Variants in CELF2 observed in about 807,000 individuals in gnomAD.
The protein encoded by CELF2 is CUGBP Elav-like family member 2.
A neutral mutation model predicts 62.6 loss-of-function variants in CELF2; 8 were observed. The observed-to-expected ratio is 0.13, with a 90% confidence interval of 0.07 to 0.23. CELF2 has a LOEUF of 0.23. Among genes scored for constraint, CELF2 ranks in the 10% least tolerant of loss-of-function variants. The pLI is 1.00. For missense variants in CELF2, 333 were observed against 671.0 expected, an observed-to-expected ratio of 0.50 and a Z score of 5.56; for synonymous variants, 258 against 250.0, an observed-to-expected ratio of 1.03 and a Z score of -0.30.
chr10:11,165,827 G>A lies in CELF2; in HGVS notation c.271+145G>A, dbSNP rs955228021. On this transcript the variant is annotated intron_variant, in intron 2 of 12. Transcript: ENST00000633077. This position sits in a 1 kb window ranked among gnomAD's most constrained non-coding sequence, Gnocchi z 7.4. Reference sequence around the variant, plus strand: ...GGTGCTGGCGGCCCCTGTGCTCCAGGGGCTGCTCCCGACTCCTCCCCGCAC... The same window carrying A: ...GGTGCTGGCGGCCCCTGTGCTCCAGAGGCTGCTCCCGACTCCTCCCCGCAC... 4 of 766,840 alleles carry A rather than the reference G, an allele frequency of 5.2e-6. No individual in the cohort carries two copies. 47.5% of individuals were successfully genotyped at this position (766,840 alleles called of 1,614,324 possible). A position where few individuals can be genotyped will look rare whatever the true frequency, so the allele number is the denominator to read the frequency against.
intron 1 of CELF2, among the ~76,000 whole-genome samples, chr10:11,144,433 G>A (rs1564925216): frequency 6.6e-6 from 1 of 152,160 alleles, no homozygotes; most frequent in African/African-American, 2.4e-5. Context: ...CTACGCAACA[G>A]ACTGTATGTA....
the CELF2 span, among the ~76,000 whole-genome samples, chr10:10,564,140 A>G: frequency 6.6e-6 from 1 of 152,178 alleles, no homozygotes; most frequent in African/African-American, 2.4e-5. Flanking sequence ...GTAAAGTGTA[A>G]ACCACTTCCA....
chr10:10,527,417 A>G, the CELF2 span, among the ~76,000 whole-genome samples: 2 of 147,572 alleles, frequency 1.4e-5, no homozygotes, highest in Non-Finnish European at 3.0e-5. Flanking sequence ...ACTGCTTTCC[A>G]GCCTAGACGA....
intron 2 of CELF2, among the ~76,000 whole-genome samples, chr10:10,950,068 C>T (rs2048151747): frequency 6.6e-6 from 1 of 152,192 alleles, no homozygotes; most frequent in Non-Finnish European, 1.5e-5. Flanking sequence ...TCACACCTCT[C>T]TCCCCTGATT....
intron 1 of CELF2, among the ~76,000 whole-genome samples, chr10:10,910,802 T>C (rs749461048): frequency 1.5e-4 from 23 of 152,316 alleles, no homozygotes; most frequent in Non-Finnish European, 2.1e-4. Context: ...ACTTTTGCTT[T>C]TCAGTTCTGG....
intron 8 of CELF2, among the ~76,000 whole-genome samples, chr10:11,279,487 C>G (rs1306597937): frequency 6.6e-6 from 1 of 152,106 alleles, no homozygotes; most frequent in African/African-American, 2.4e-5. Flanking sequence ...CTTGGTACAT[C>G]CACAAAGACT....
At chr10:11,032,146 CAAAAA>C (rs56364371) in intron 1 of CELF2, among the ~76,000 whole-genome samples, 1,242 of 86,426 alleles carry the variant, frequency 0.014, 24 homozygotes, top group African/African-American at 0.034. Flanking sequence ...AGGGCTTAGC[CAAAAA>C]AAAAAAAAAA....
chr10:11,127,368 C>T (rs1796228068), intron 1 of CELF2, among the ~76,000 whole-genome samples: 1 of 152,142 alleles, frequency 6.6e-6, no homozygotes, highest in Non-Finnish European at 1.5e-5. Context: ...GTGCATGTGT[C>T]TTCATACTAG....
chr10:11,032,146 CAAAAAA>C (rs56364371), intron 1 of CELF2, among the ~76,000 whole-genome samples: 2,730 of 86,416 alleles, frequency 0.032, 110 homozygotes, highest in African/African-American at 0.062. Flanking sequence ...AGGGCTTAGC[CAAAAAA>C]AAAAAAAAAA....
At chr10:11,303,784 G>A (rs1428654328) in intron 9 of CELF2, among the ~76,000 whole-genome samples, 1 of 152,208 alleles carries the variant, frequency 6.6e-6, no homozygotes, top group Admixed American at 6.5e-5. Flanking sequence ...AGGGGAAATA[G>A]AATCTTGACT....
At position 11,255,186 on chromosome 10, in the gene CELF2, A is replaced by C. The variant is rs1399727711; in HGVS notation, c.404-2552A>C. On this transcript the variant is annotated intron_variant, in intron 4 of 12. Coordinates refer to ENST00000633077, the MANE Select transcript of CELF2 (RefSeq NM_001326342.2). This position sits in a 1 kb window ranked among gnomAD's most constrained non-coding sequence, Gnocchi z 5.5. ...TTTGCCTTCTCTGAAGGGAGGAAAA[A>C]GAACTTGAATTAGAAGTTTTCCGTC... 6.6e-6 allele frequency among the ~76,000 whole-genome samples: 1 copy of C among 152,218 alleles called. No homozygotes were observed. The highest frequency in any genetic ancestry group is 1.5e-5 in the Non-Finnish European group (1 of 68,036).
chr10:11,128,429 T>C (rs1185765513), intron 1 of CELF2, among the ~76,000 whole-genome samples: 3 of 152,218 alleles, frequency 2.0e-5, no homozygotes, highest in Non-Finnish European at 4.4e-5. Flanking sequence ...CATTGGTAGC[T>C]TGATGGGGAT....
chr10:10,564,085 C>G, the CELF2 span, among the ~76,000 whole-genome samples: 1 of 152,212 alleles, frequency 6.6e-6, no homozygotes, highest in African/African-American at 2.4e-5. Flanking sequence ...ATAACTTCCT[C>G]TCTCCCATCC....
the CELF2 span, among the ~76,000 whole-genome samples, chr10:10,637,716 C>A: frequency 6.6e-6 from 1 of 152,144 alleles, no homozygotes; most frequent in Non-Finnish European, 1.5e-5. Context: ...CAATGTGACA[C>A]GGAGTCGCAG....
intron 8 of CELF2, among the ~76,000 whole-genome samples, chr10:11,276,412 G>T (rs2086151354): frequency 6.6e-6 from 1 of 152,202 alleles, no homozygotes; most frequent in African/African-American, 2.4e-5. Flanking sequence ...TCATTCAGCA[G>T]CATCTTTACG....
chr10:10,735,576 G>A, the CELF2 span, among the ~76,000 whole-genome samples: 3 of 152,218 alleles, frequency 2.0e-5, no homozygotes, highest in African/African-American at 7.2e-5. Flanking sequence ...GAAAACTAGA[G>A]TTGAAGACAG....
At chr10:10,819,059 T>C (rs2056741517) in intron 1 of CELF2, among the ~76,000 whole-genome samples, 2 of 152,184 alleles carry the variant, frequency 1.3e-5, no homozygotes, top group African/African-American at 2.4e-5. Flanking sequence ...CTGATAGTGA[T>C]TGCATTTACC....
chr10:10,805,193 C>G (rs917402813), intron 1 of CELF2, among the ~76,000 whole-genome samples: 1 of 152,130 alleles, frequency 6.6e-6, no homozygotes, highest in African/African-American at 2.4e-5. Flanking sequence ...TTGTAAAGTT[C>G]CGGTCACTCA....
rs2094958154 is a variant in CELF2, at chr10:11,316,128, C to T, written c.1096+1870C>T. 6.6e-6 allele frequency among the ~76,000 whole-genome samples: 1 copy of T among 152,226 alleles called. No individual in the cohort carries two copies. The highest frequency in any genetic ancestry group is 2.4e-5 in the African/African-American group (1 of 41,456). On this transcript the variant is annotated intron_variant, in intron 10 of 12. Coordinates refer to ENST00000633077, the MANE Select transcript of CELF2 (RefSeq NM_001326342.2). This position sits in a 1 kb window ranked among gnomAD's most constrained non-coding sequence, Gnocchi z 4.4. Reference sequence around the variant, plus strand: ...AATGGCAGAGAAACCATGAGTAGTTCTTGTGTGGGGTCTTGTGTGATACAC... The same window carrying T: ...AATGGCAGAGAAACCATGAGTAGTTTTTGTGTGGGGTCTTGTGTGATACAC...
Sources: allele counts gnomAD v4.1 joint callset (sites outside exome capture counted in the v4.1 genomes callset), GRCh38; gene constraint gnomAD v4.1.1; non-coding constraint Gnocchi (gnomAD v3.1); transcripts MANE v1.5; gene names NCBI Gene and HGNC (gene_info 2026-07-23, HGNC 2026-07-21).